Variants in RPLP2 observed in about 807,000 individuals in gnomAD.
RPLP2 encodes the protein ribosomal protein lateral stalk subunit P2.
A neutral mutation model predicts 11.5 loss-of-function variants in RPLP2; 1 was observed. The ratio of observed to expected loss-of-function variants is 0.09; its 90% CI spans 0.03 to 0.41. RPLP2 has a LOEUF of 0.41. Among genes scored for constraint, RPLP2 ranks in the 10% least tolerant of loss-of-function variants. The probability of loss-of-function intolerance (pLI) is 0.98; values close to 1 mark genes in which losing one functional copy is unlikely to be tolerated. For synonymous variants in RPLP2, 82 were observed against 55.9 expected (o/e 1.47, Z -2.08); for missense variants, 177 against 145.6 (o/e 1.22, Z -1.11).
At chr11:811,719 C>T (rs772645462) in intron 3 of RPLP2, 74 bp downstream of exon 3, 1 of 1,596,106 alleles carries the variant, frequency 6.3e-7, no homozygotes. Flanking sequence ...CTGTGGCCTG[C>T]CAGGTTTCGC....
chr11:811,670 G>C, intron 3 of RPLP2, 25 bp downstream of exon 3: 2 of 1,614,056 alleles, frequency 1.2e-6, no homozygotes, highest in South Asian at 1.1e-5. Context: ...ACGGGCTTTC[G>C]TTTGTTTTCA....
At chr11:810,115 A>C in intron 1 of RPLP2, 76 bp downstream of exon 1, 1 of 1,230,698 alleles carries the variant, frequency 8.1e-7, no homozygotes, top group Non-Finnish European at 1.1e-6. Flanking sequence ...GCGGCGGGGT[A>C]TTTTTGGGAC....
At chr11:811,987 G>C in intron 3 of RPLP2, 1 of 485,542 alleles carries the variant, frequency 2.1e-6, no homozygotes, top group East Asian at 4.2e-5. Context: ...TTTCTGTGAG[G>C]GGGTTGGGGG....
chr11:812,630 GCAGGTAAGTGGTGGC>G lies in RPLP2; in HGVS notation c.270_271+13del. The G allele has an allele frequency of 6.2e-7, 1 of 1,610,456 alleles. No individual in the cohort carries two copies. The highest frequency in any genetic ancestry group is 8.5e-7 in the Non-Finnish European group (1 of 1,179,974). On this transcript the variant is annotated splice_donor_variant and splice_donor_5th_base_variant and coding_sequence_variant and intron_variant, in exon 4 of 5. Transcript: ENST00000321153. LOFTEE classifies it high-confidence loss of function. ...CCCTGCTGCTGGTTCTGCCCCTGCT[GCAGGTAAGTGGTGGC>G]CTGGTGAGTGGGCAAGGGGCTGGGG...
Position 812,379 on chromosome 11 carries a change from A to G in RPLP2, c.173-156A>G. Reference sequence around the variant, plus strand: ...AGAAGTCCCCGTTGAGGAGTGGCTCAGGGAGGGAGTGTTCAGGAAGAACGG... The same window carrying G: ...AGAAGTCCCCGTTGAGGAGTGGCTCGGGGAGGGAGTGTTCAGGAAGAACGG... On this transcript the variant is annotated intron_variant, in intron 3 of 4. Transcript: ENST00000321153. 4 of 922,928 alleles carry G rather than the reference A, an allele frequency of 4.3e-6. 1 individual carries two copies. Among genetic ancestry groups the G allele is most frequent in the South Asian group, 3.2e-5 (2 of 62,656 alleles). The allele number at this position is 922,928 out of a possible 1,614,324, so 57.2% of individuals were successfully genotyped here.
At chr11:811,051 T>G (rs1866029870) in intron 2 of RPLP2, among the ~76,000 whole-genome samples, 1 of 149,328 alleles carries the variant, frequency 6.7e-6, no homozygotes, top group South Asian at 2.1e-4. Flanking sequence ...GTGGTGCACA[T>G]CTGTAGTCTC....
At chr11:810,587 G>T in intron 2 of RPLP2, 1 of 400,934 alleles carries the variant, frequency 2.5e-6, no homozygotes, top group Middle Eastern at 6.4e-4. Flanking sequence ...TGAGGTCAGG[G>T]GTTCGAGACC....
chr11:811,291 C>A, intron 2 of RPLP2: 1 of 436,274 alleles, frequency 2.3e-6, no homozygotes, highest in Non-Finnish European at 4.2e-6. Flanking sequence ...GCACTCCAGC[C>A]TGAAGTCAAA....
Position 810,633 on chromosome 11 carries a change from A to T in RPLP2, c.123+276A>T, listed in dbSNP as rs994527795. On this transcript the variant is annotated intron_variant, in intron 2 of 4. Transcript: ENST00000321153. ...ACATGTCGAAACCCCATCCCTACTA[A>T]AAATACAAAAATTAGCCGGGCGTGG... The T allele has an allele frequency of 1.4e-5, 4 of 280,456 alleles. No homozygotes were observed. In the Admixed American group the frequency reaches 2.1e-4, roughly 15 times the overall value. The allele number at this position is 280,456 out of a possible 1,614,324, so 17.4% of individuals were successfully genotyped here.
In RPLP2 at chr11:811,575, G is replaced by T. The variant is rs202214968; in HGVS notation, c.124-22G>T. 228 of 1,614,028 alleles carry T rather than the reference G, an allele frequency of 1.4e-4. 1 individual carries two copies. Among genetic ancestry groups the T allele is most frequent in the Middle Eastern group, 1.3e-3 (8 of 6,082 alleles). On this transcript the variant is annotated intron_variant, in intron 2 of 4. Transcript: ENST00000321153. Reference sequence around the variant, plus strand: ...ATACAATCGTACATTCCTGGTAACAGCCCTGTGATTGTCTGCTTCAGGTTA... The same window carrying T: ...ATACAATCGTACATTCCTGGTAACATCCCTGTGATTGTCTGCTTCAGGTTA...
At chr11:811,938 T>A (rs1866080061) in intron 3 of RPLP2, 4 of 640,996 alleles carry the variant, frequency 6.2e-6, no homozygotes, top group Non-Finnish European at 1.1e-5. Flanking sequence ...GCTTGGTGTC[T>A]GGAGAACTGA....
At chr11:812,458 G>A (rs1455772556) in intron 3 of RPLP2, 77 bp from the exon 4 acceptor site, 3 of 1,581,774 alleles carry the variant, frequency 1.9e-6, no homozygotes, top group East Asian at 4.5e-5. Context: ...TGCCATCTCT[G>A]GTGCCATCTA....
chr11:812,423 G>T (rs974300077), intron 3 of RPLP2, 112 bp from the exon 4 acceptor site: 3 of 1,385,246 alleles, frequency 2.2e-6, no homozygotes, highest in Non-Finnish European at 3.0e-6. Context: ...GGCATATGGT[G>T]GGTCCAGATA....
chr11:811,378 G>A (rs575958585), intron 2 of RPLP2: 5 of 595,042 alleles, frequency 8.4e-6, no homozygotes, highest in South Asian at 8.1e-5. Context: ...GAGATGCCCT[G>A]TGTCCTTTTG....
intron 3 of RPLP2, chr11:812,113 G>T (rs986971183): frequency 8.0e-6 from 3 of 376,938 alleles, no homozygotes; most frequent in Non-Finnish European, 1.5e-5. Context: ...AGCTGTTGGG[G>T]CAGCTGTTCT....
Position 809,993 on chromosome 11 carries a change from T to G in RPLP2, c.-48T>G. The G allele has an allele frequency of 4.8e-6, 2 of 412,758 alleles. No individual in the cohort carries two copies. The highest frequency in any genetic ancestry group is 6.5e-5 in the South Asian group (1 of 15,498). 25.6% of individuals were successfully genotyped at this position (412,758 alleles called of 1,614,324 possible). A position where few individuals can be genotyped will look rare whatever the true frequency, so the allele number is the denominator to read the frequency against. On this transcript the variant is annotated 5_prime_UTR_variant, in exon 1 of 5. Transcript: ENST00000321153. ...CTTTTCCTCCCTGTCGCCACCGAGG[T>G]CGCACGCGTGAGACTTCTCCGCCGC...
At position 810,361 on chromosome 11, in the gene RPLP2, GCGGCCGC is replaced by G; in HGVS notation, c.123+6_123+12del. 6.2e-7 allele frequency: 1 copy of G among 1,605,086 alleles called. No homozygotes were observed. The highest frequency in any genetic ancestry group is 1.1e-5 in the South Asian group (1 of 89,940). On this transcript the variant is annotated splice_donor_5th_base_variant and intron_variant, in intron 2 of 4. Coordinates refer to ENST00000321153, the MANE Select transcript of RPLP2 (RefSeq NM_001004.4). ...GGACGACGACCGGCTCAACAAGGTA[GCGGCCGC>G]CCTTGCCCCGCAGCCGCCGTGGGGC...
intron 3 of RPLP2, 200 bp from the exon 4 acceptor site, chr11:812,335 G>A (rs1866089435): frequency 3.0e-6 from 2 of 663,624 alleles, no homozygotes; most frequent in South Asian, 1.9e-5. Context: ...CAAGTCCCTG[G>A]ATAGGAAAGG....
At chr11:810,791 G>GA (rs35176006) in intron 2 of RPLP2, among the ~76,000 whole-genome samples, 346 of 116,330 alleles carry the variant, frequency 3.0e-3, no homozygotes, top group Non-Finnish European at 4.2e-3. Context: ...GTCTCAAAAG[G>GA]AAAAAAAAAA....
Sources: gnomAD v4.1 joint callset for allele counts (sites outside exome capture counted in the v4.1 genomes callset) on GRCh38, gnomAD v4.1.1 for gene constraint, MANE v1.5 for transcripts, NCBI Gene and HGNC (gene_info 2026-07-23, HGNC 2026-07-21) for gene names.